The following WLS variants were observed in gnomAD, a reference collection of about 807,000 sequenced individuals.
WLS encodes the protein Wnt ligand secretion mediator.
WLS carries 23 observed loss-of-function variants against 62.8 expected under a neutral mutation model. The ratio of observed to expected loss-of-function variants is 0.37; its 90% confidence interval spans 0.26 to 0.52. WLS has a LOEUF of 0.52. Among genes scored for constraint, WLS ranks in the 20% least tolerant of loss-of-function variants. The pLI, the probability that WLS is intolerant of heterozygous loss-of-function variation, is 0.92. For synonymous variants in WLS, 246 were observed against 244.1 expected, an observed-to-expected ratio of 1.01 and a Z score of -0.07; for missense variants, 615 against 697.3, an observed-to-expected ratio of 0.88 and a Z score of 1.33.
chr1:68,198,712 T>A (rs751178339), intron 1 of WLS, among the ~76,000 whole-genome samples: 3 of 152,094 alleles, frequency 2.0e-5, no homozygotes, highest in Non-Finnish European at 4.4e-5. Context: ...ATAAACAATT[T>A]CAGGAAAAAA....
At chr1:68,120,945 A>G (rs1040588533), downstream of WLS, among the ~76,000 whole-genome samples, 3 of 152,256 alleles carry the variant, frequency 2.0e-5, no homozygotes, top group African/African-American at 7.2e-5. Context: ...GGTGTATGGG[A>G]AAAAATATAC....
chr1:68,152,327 G>T (rs1477862901), intron 5 of WLS, among the ~76,000 whole-genome samples: 1 of 151,584 alleles, frequency 6.6e-6, no homozygotes, highest in Non-Finnish European at 1.5e-5. Flanking sequence ...CACAAAGGTA[G>T]GTGAAATCAA....
At chr1:68,140,468 T>C (rs1244773964) in intron 10 of WLS, among the ~76,000 whole-genome samples, 1 of 152,210 alleles carries the variant, frequency 6.6e-6, no homozygotes, top group Non-Finnish European at 1.5e-5. Flanking sequence ...ATGCACTATA[T>C]ATCCTGGACA....
At chr1:68,102,716 C>G (rs559314670) in intron 11 of WLS, 7 of 152,210 alleles carry the variant, frequency 4.6e-5, no homozygotes, top group South Asian at 2.1e-4. Context: ...ACCCAAGCAT[C>G]TTATTATACA....
intron 8 of WLS, 54 bp downstream of exon 8, chr1:68,148,082 G>A: frequency 1.9e-6 from 3 of 1,588,596 alleles, no homozygotes; most frequent in Non-Finnish European, 1.7e-6. Flanking sequence ...ATGATCTTGG[G>A]GACTGGGTGG....
intron 11 of WLS, among the ~76,000 whole-genome samples, chr1:68,101,119 G>A (rs764323055): frequency 1.3e-5 from 2 of 152,174 alleles, no homozygotes; most frequent in Non-Finnish European, 2.9e-5. Flanking sequence ...CCTGCAGGCT[G>A]TAACCTTTTG....
intron 1 of WLS, among the ~76,000 whole-genome samples, chr1:68,229,942 G>A (rs574920366): frequency 3.9e-5 from 6 of 152,320 alleles, no homozygotes; most frequent in Admixed American, 1.3e-4. Context: ...AGCACCTGCC[G>A]CGGACTTTTT....
chr1:68,201,992 C>T (rs200435452), intron 1 of WLS: 1 of 152,154 alleles, frequency 6.6e-6, no homozygotes, highest in Admixed American at 6.5e-5. Context: ...TTAAATGCTT[C>T]GCCTACAACC....
intron 2 of WLS, among the ~76,000 whole-genome samples, chr1:68,180,457 C>T (rs1647490358): frequency 6.6e-6 from 1 of 152,042 alleles, no homozygotes. Flanking sequence ...GCAGGGCTTG[C>T]ATAATGTCTT....
chr1:68,104,601 C>T (rs1557441877), intron 11 of WLS, among the ~76,000 whole-genome samples: 1 of 152,230 alleles, frequency 6.6e-6, no homozygotes, highest in East Asian at 1.9e-4. Context: ...GTGAGTTCAC[C>T]TTCTGTATTT....
rs116556656 is a variant in WLS at position 68,139,080 on chromosome 1, A to G, written c.1363-1147T>C. On this transcript the variant is annotated intron_variant, in intron 10 of 11. Transcript: ENST00000262348. ...TTCTGAAAGACCAGGAGTGTCAGTT[A>G]ACCACATTAGCCAATTATAGACTTA... Among the ~76,000 whole-genome samples, 1,334 of 152,350 alleles carry G rather than the reference A, an allele frequency of 8.8e-3. 11 individuals are homozygous for G. The highest frequency in any genetic ancestry group is 0.041 in the Middle Eastern group (12 of 294).
chr1:68,174,438 A>G (rs924327567), intron 2 of WLS, among the ~76,000 whole-genome samples: 1 of 152,198 alleles, frequency 6.6e-6, no homozygotes, highest in African/African-American at 2.4e-5. Flanking sequence ...TCCAGGAGAC[A>G]GTGGGACAAT....
At chr1:68,173,894 C>A (rs905221313) in intron 2 of WLS, among the ~76,000 whole-genome samples, 13 of 152,050 alleles carry the variant, frequency 8.5e-5, no homozygotes, top group African/African-American at 3.1e-4. Context: ...TGAGTTTTTT[C>A]CCCCTTTGCC....
intron 2 of WLS, chr1:68,161,912 C>T: frequency 6.2e-7 from 1 of 1,610,168 alleles, no homozygotes; most frequent in South Asian, 1.1e-5. Context: ...CCTGGAGCCA[C>T]GCCCACGATG....
intron 11 of WLS, among the ~76,000 whole-genome samples, chr1:68,135,713 G>A (rs1317415160): frequency 3.3e-5 from 5 of 152,092 alleles, no homozygotes; most frequent in African/African-American, 1.2e-4. Context: ...CTCACATCAA[G>A]GACAAGGCCA....
chr1:68,115,906 C>A lies in WLS; in HGVS notation c.1511-17153G>T, dbSNP rs897167011. Among the ~76,000 whole-genome samples the A allele has an allele frequency of 9.2e-5, 14 of 152,102 alleles. 1 individual carries two copies. Among genetic ancestry groups the A allele is most frequent in the African/African-American group, 3.4e-4 (14 of 41,418 alleles). The stretch of plus-strand genomic sequence containing the variant: ...CTGCTCTATTCCACTAGTCTTCCAC[C>A]CTCTCCCTCCTGGCAGCAGTCGTTG... On this transcript the variant is annotated intron_variant, in intron 11 of 11. Transcript: ENST00000354777.
At chr1:68,186,499 G>GC in intron 2 of WLS, 1 of 382,802 alleles carries the variant, frequency 2.6e-6, no homozygotes, top group South Asian at 1.9e-5. Flanking sequence ...GCCACGAAAA[G>GC]TTAAAAAAAA....
intron 6 of WLS, among the ~76,000 whole-genome samples, chr1:68,149,466 A>G (rs1313352920): frequency 1.3e-5 from 2 of 152,230 alleles, no homozygotes; most frequent in Non-Finnish European, 2.9e-5. Flanking sequence ...GAAGGGCAGC[A>G]GGACTTGAGA....
intron 1 of WLS, among the ~76,000 whole-genome samples, 157 bp downstream of exon 1, chr1:68,232,037 G>T (rs1454775161): frequency 6.6e-6 from 1 of 151,536 alleles, no homozygotes; most frequent in Non-Finnish European, 1.5e-5. Context: ...TGTGCCCCAC[G>T]GAGCCCCATG....
Sources: allele counts gnomAD v4.1 joint callset (sites outside exome capture counted in the v4.1 genomes callset), GRCh38; gene constraint gnomAD v4.1.1; transcripts MANE v1.5; gene names NCBI Gene and HGNC (gene_info 2026-07-23, HGNC 2026-07-21).